Variants in DHX33 observed in about 807,000 individuals in gnomAD.
DHX33 encodes ATP-dependent RNA helicase DHX33.
Under a neutral mutation model 72.5 loss-of-function variants are expected in DHX33, and 42 were observed. The ratio of observed to expected loss-of-function variants is 0.58; its 90% CI spans 0.45 to 0.75. The LOEUF is 0.75. Ranked by LOEUF, DHX33 falls within the 30% of genes least tolerant of loss-of-function variation. The pLI is 0.00. For missense variants in DHX33, 842 were observed against 917.5 expected (o/e 0.92, Z 1.06); for synonymous variants, 358 against 366.1 (o/e 0.98, Z 0.25).
chr17:5,468,831 G>C lies in DHX33; in HGVS notation c.29C>G (p.Ala10Gly). 6.4e-7 allele frequency: 1 copy of C among 1,569,378 alleles called. No individual in the cohort carries two copies. Residue 10 changes from alanine (A) to glycine (G), a missense_variant, in exon 1 of 12, where the codon GCC (alanine) becomes GGC (glycine). Transcript: ENST00000225296. MPEEAGFPP[A>G]KRFRPGSGPP... is the part of the protein sequence containing the mutation. Reference sequence around the variant, plus strand: ...TCCAGAGCCTGGCCGGAATCTCTTGGCCGGCGGGAAGCCCGCCTCCTCCGG... The same window carrying C: ...TCCAGAGCCTGGCCGGAATCTCTTGCCCGGCGGGAAGCCCGCCTCCTCCGG...
chr17:5,453,985 A>T lies in DHX33; in HGVS notation c.1148-5T>A. 3 of 1,612,894 alleles carry T rather than the reference A, an allele frequency of 1.9e-6. No individual in the cohort carries two copies. Among genetic ancestry groups the T allele is most frequent in the Non-Finnish European group, 2.5e-6 (3 of 1,179,726 alleles). On this transcript the variant is annotated splice_polypyrimidine_tract_variant and splice_region_variant and intron_variant, in intron 6 of 11. Coordinates refer to ENST00000225296, the MANE Select transcript of DHX33 (RefSeq NM_020162.4). ...CTAACACCTCAAGACCACTGTCTGG[A>T]TGGAGAGTGAGCCCCATTAGTGCTT...
In DHX33 at chr17:5,463,698, GA is replaced by G. The variant is rs1904745632; in HGVS notation, c.290-10del. ...CCCAGAGCCAGTTTCCCCTAGGAGA[GA>G]GGGGGAAAAAAAAAAAAGGCTCACT... On this transcript the variant is annotated splice_polypyrimidine_tract_variant and intron_variant, in intron 1 of 11. Transcript: ENST00000225296. The G allele has an allele frequency of 1.3e-6, 2 of 1,560,726 alleles. No individual in the cohort carries two copies. Among genetic ancestry groups the G allele is most frequent in the Non-Finnish European group, 1.7e-6 (2 of 1,160,364 alleles).
chr17:5,464,346 C>T (rs1904775243), intron 1 of DHX33, among the ~76,000 whole-genome samples: 2 of 150,780 alleles, frequency 1.3e-5, no homozygotes, highest in South Asian at 4.2e-4. Context: ...ACAACAACAA[C>T]AAAAAGCAAA....
intron 1 of DHX33, among the ~76,000 whole-genome samples, chr17:5,467,030 C>T (rs1904902292): frequency 6.6e-6 from 1 of 152,182 alleles, no homozygotes; most frequent in Non-Finnish European, 1.5e-5. Context: ...GGTGCGGTGG[C>T]TCACGCCTCT....
In DHX33 at chr17:5,459,724, C is replaced by G. The variant is rs149654395; in HGVS notation, c.849+1215G>C. ...GGATTACAGGTGTGAGCTACTGTGC[C>G]CAGCCAACATTTTCTTTAAATGAGG... On this transcript the variant is annotated intron_variant, in intron 4 of 11. Transcript: ENST00000225296. Among the ~76,000 whole-genome samples the G allele has an allele frequency of 4.4e-3, 666 of 152,196 alleles. 5 individuals are homozygous for G. The highest frequency in any genetic ancestry group is 0.015 in the African/African-American group (615 of 41,524).
intron 11 of DHX33, among the ~76,000 whole-genome samples, chr17:5,447,475 T>C (rs545948780): frequency 3.9e-5 from 6 of 152,180 alleles, no homozygotes; most frequent in African/African-American, 1.4e-4. Context: ...ATACAAAATA[T>C]TAGCCGGGTG....
At position 5,444,624 on chromosome 17, in the gene DHX33, G is replaced by T; in HGVS notation, c.1816-111C>A. 2 of 1,132,902 alleles carry T rather than the reference G, an allele frequency of 1.8e-6. No homozygotes were observed. The highest frequency in any genetic ancestry group is 2.5e-6 in the Non-Finnish European group (2 of 802,668). The allele number at this position is 1,132,902 out of a possible 1,614,324, so 70.2% of individuals were successfully genotyped here. On this transcript the variant is annotated intron_variant, in intron 11 of 11. Transcript: ENST00000225296. This position sits in a 1 kb window ranked among gnomAD's most constrained non-coding sequence, Gnocchi z 4.9. ...CACTGGGGCAAAAGCAGCCCACATT[G>T]TGAGCCTAACGATGTGGATTCTGAC...
At chr17:5,468,447 CCAGAAAAGGTATT>C in intron 1 of DHX33, 111 bp downstream of exon 1, 1 of 1,298,378 alleles carries the variant, frequency 7.7e-7, no homozygotes, top group South Asian at 1.5e-5. Context: ...CAGGTCTGGC[CCAGAAAAGGTATT>C]CAGGTTTGTT....
At position 5,453,986 on chromosome 17, in the gene DHX33, T is replaced by C; in HGVS notation, c.1148-6A>G. The C allele has an allele frequency of 6.2e-7, 1 of 1,612,950 alleles. No individual in the cohort carries two copies. Among genetic ancestry groups the C allele is most frequent in the Non-Finnish European group, 8.5e-7 (1 of 1,179,718 alleles). On this transcript the variant is annotated splice_polypyrimidine_tract_variant and splice_region_variant and intron_variant, in intron 6 of 11. Coordinates refer to ENST00000225296, the MANE Select transcript of DHX33 (RefSeq NM_020162.4). Reference sequence around the variant, plus strand: ...TAACACCTCAAGACCACTGTCTGGATGGAGAGTGAGCCCCATTAGTGCTTC... The same window carrying C: ...TAACACCTCAAGACCACTGTCTGGACGGAGAGTGAGCCCCATTAGTGCTTC...
Position 5,444,327 on chromosome 17 carries a change from A to T in DHX33, c.2002T>A (p.Tyr668Asn). The change falls in exon 12 of 12, where the codon TAC becomes AAC. Residue 668 changes from tyrosine to asparagine, a missense_variant. Transcript: ENST00000225296. This position sits in a 1 kb window ranked among gnomAD's most constrained non-coding sequence, Gnocchi z 4.9. ...TTGTTGGTGTAGAGCAGCTCAGTGT[A>T]CACGACGCAGGCCGGCTTGCAGTGG... ...LFHCKPACVV[Y>N]TELLYTNKCY... The T allele has an allele frequency of 6.2e-7, 1 of 1,614,038 alleles. No individual in the cohort carries two copies. Among genetic ancestry groups the T allele is most frequent in the Non-Finnish European group, 8.5e-7 (1 of 1,179,998 alleles).
rs1308497159 is a variant in DHX33 at position 5,453,802 on chromosome 17, A to G, written c.1307+19T>C. ...ACATGGTGACAAACAGCAGCAGTGCAGGAGCAACTGGTGCCTACCTCTGGA... is the reference window on the plus strand; with the variant it reads ...ACATGGTGACAAACAGCAGCAGTGCGGGAGCAACTGGTGCCTACCTCTGGA... On this transcript the variant is annotated intron_variant, in intron 7 of 11. Transcript: ENST00000225296. 6.2e-7 allele frequency: 1 copy of G among 1,613,806 alleles called. No individual in the cohort carries two copies. The highest frequency in any genetic ancestry group is 1.7e-4 in the Middle Eastern group (1 of 6,052).
intron 4 of DHX33, among the ~76,000 whole-genome samples, chr17:5,459,925 G>T (rs993323575): frequency 6.8e-6 from 1 of 146,800 alleles, no homozygotes; most frequent in Non-Finnish European, 1.5e-5. Flanking sequence ...GGGATTACAG[G>T]TGTGAGCCAC....
Position 5,443,989 on chromosome 17 carries a change from A to C in DHX33, c.*216T>G, listed in dbSNP as rs943316387. 1.7e-5 allele frequency: 9 copies of C among 520,008 alleles called. No individual in the cohort carries two copies. The highest frequency in any genetic ancestry group is 2.0e-5 in the Non-Finnish European group (6 of 302,992). 32.2% of individuals were successfully genotyped at this position (520,008 alleles called of 1,614,324 possible). A position where few individuals can be genotyped will look rare whatever the true frequency, so the allele number is the denominator to read the frequency against. ...AGTCAAAGTCACCCAGTAAGAACCA[A>C]AAGCATAATTTTGAGGTTTCCAGGT... On this transcript the variant is annotated 3_prime_UTR_variant, in exon 12 of 12. Transcript: ENST00000225296.
intron 11 of DHX33, among the ~76,000 whole-genome samples, chr17:5,447,584 A>G (rs2151682832): frequency 6.6e-6 from 1 of 152,034 alleles, no homozygotes; most frequent in East Asian, 1.9e-4. Flanking sequence ...AGATCGCGCC[A>G]CTGCACTCCA....
In DHX33 at chr17:5,443,805, C is replaced by T. The variant is rs1035470399; in HGVS notation, c.*400G>A. On this transcript the variant is annotated 3_prime_UTR_variant, in exon 12 of 12. Coordinates refer to ENST00000225296, the MANE Select transcript of DHX33 (RefSeq NM_020162.4). ...TGGCAAGCAGTAACATTCAGCCTAA[C>T]GGCTCCCAACTCACTGTACGTGTGT... The T allele has an allele frequency of 1.8e-4, 29 of 163,408 alleles. No individual in the cohort carries two copies. Among genetic ancestry groups the T allele is most frequent in the Admixed American group, 1.2e-3 (20 of 16,660 alleles). 10.1% of individuals were successfully genotyped at this position (163,408 alleles called of 1,614,324 possible).
chr17:5,458,249 A>G (rs573497843), intron 4 of DHX33, among the ~76,000 whole-genome samples: 31 of 152,198 alleles, frequency 2.0e-4, no homozygotes, highest in African/African-American at 6.3e-4. Flanking sequence ...AGCAGCATAA[A>G]GGACTCTGAA....
At chr17:5,461,839 G>A (rs965085265) in intron 3 of DHX33, among the ~76,000 whole-genome samples, 16 of 150,378 alleles carry the variant, frequency 1.1e-4, no homozygotes, top group Admixed American at 2.7e-4. Flanking sequence ...GTGAGCCACC[G>A]TGCCGGGCCA....
In DHX33 at chr17:5,455,196, C is replaced by T. The variant is rs1597359713; in HGVS notation, c.1111G>A (p.Asp371Asn). 6.2e-7 allele frequency: 1 copy of T among 1,614,158 alleles called. No homozygotes were observed. The highest frequency in any genetic ancestry group is 8.5e-7 in the Non-Finnish European group (1 of 1,180,024). ...TTCTTTGCTTTAACCATGCCCGTGTCAACTACATATTTTATTCCTGTAATG... is the reference window on the plus strand; with the variant it reads ...TTCTTTGCTTTAACCATGCCCGTGTTAACTACATATTTTATTCCTGTAATG... ...ITITGIKYVV[D>N]TGMVKAKKYN... The change falls in exon 6 of 12, where the codon GAC (aspartate) becomes AAC (asparagine). Residue 371 changes from aspartate (D) to asparagine (N), a missense_variant. Transcript: ENST00000225296.
chr17:5,461,248 A>C, intron 3 of DHX33, 139 bp from the exon 4 acceptor site: 1 of 822,626 alleles, frequency 1.2e-6, no homozygotes, highest in Non-Finnish European at 1.8e-6. Flanking sequence ...CTCTGAGCAG[A>C]ACAGGCAGAG....
Sources: gnomAD v4.1 joint callset for allele counts (sites outside exome capture counted in the v4.1 genomes callset) on GRCh38, gnomAD v4.1.1 for gene constraint, Gnocchi (gnomAD v3.1) non-coding constraint, MANE v1.5 for transcripts, NCBI Gene and HGNC (gene_info 2026-07-23, HGNC 2026-07-21) for gene names.